ELOVL7: variants seen among roughly 807,000 people sequenced by gnomAD.
ELOVL7 encodes the protein ELOVL fatty acid elongase 7, also known as very long chain fatty acid elongase 7.
Under a neutral mutation model 35.7 loss-of-function variants are expected in ELOVL7, and 27 were observed. The ratio of observed to expected loss-of-function variants is 0.76; its 90% CI spans 0.56 to 1.04. The LOEUF (loss-of-function observed/expected upper bound fraction) is 1.04, where lower values mean the gene tolerates loss of function less well. Among genes scored for constraint, ELOVL7 ranks in the 50% least tolerant of loss-of-function variants. The pLI is 0.00. For missense variants in ELOVL7, 327 were observed against 340.8 expected (o/e 0.96, Z 0.32); for synonymous variants, 113 against 114.6 (o/e 0.99, Z 0.09).
At chr5:60,784,201 G>A in intron 3 of ELOVL7, 2 of 1,372,344 alleles carry the variant, frequency 1.5e-6, no homozygotes, top group Non-Finnish European at 2.0e-6. Flanking sequence ...AAGTACTAAT[G>A]AAATGAAGAA....
chr5:60,814,866 AAT>A (rs376183071), intron 1 of ELOVL7, among the ~76,000 whole-genome samples: 68 of 152,358 alleles, frequency 4.5e-4, no homozygotes, highest in African/African-American at 1.5e-3. Context: ...TGCTGGGCTT[AAT>A]TGTGAATGGT....
At chr5:60,842,012 C>A (rs899515932) in intron 1 of ELOVL7, among the ~76,000 whole-genome samples, 1 of 152,104 alleles carries the variant, frequency 6.6e-6, no homozygotes, top group Non-Finnish European at 1.5e-5. Flanking sequence ...TGTGTGCTAC[C>A]AAAATTTATA....
chr5:60,802,101 TATATATATATATATATAC>T (rs1342977285), intron 1 of ELOVL7, among the ~76,000 whole-genome samples: 2,886 of 17,738 alleles, frequency 0.16, 307 homozygotes, highest in South Asian at 0.22. Context: ...TATATATATA[TATATATATATATATATAC>T]ACACACACAC....
chr5:60,753,217 A>G lies in ELOVL7; in HGVS notation c.*1407T>C, dbSNP rs1039356217. 1 of 151,936 alleles carries G rather than the reference A, an allele frequency of 6.6e-6. No individual in the cohort carries two copies. Among genetic ancestry groups the G allele is most frequent in the Non-Finnish European group, 1.5e-5 (1 of 67,968 alleles). The allele number at this position is 151,936 out of a possible 1,614,324, so 9.4% of individuals were successfully genotyped here. On this transcript the variant is annotated 3_prime_UTR_variant, in exon 9 of 9. Coordinates refer to ENST00000508821, the MANE Select transcript of ELOVL7 (RefSeq NM_024930.3). The stretch of plus-strand genomic sequence containing the variant: ...AAAATTGAGTATAAATAAAAGAAGA[A>G]AAAAAATAGGGAAAAATTCACAAAT...
intron 1 of ELOVL7, among the ~76,000 whole-genome samples, chr5:60,834,730 C>A (rs370772924): frequency 6.6e-6 from 1 of 152,054 alleles, no homozygotes; most frequent in African/African-American, 2.4e-5. Flanking sequence ...TACACTATAG[C>A]GTAAACTATT....
intron 1 of ELOVL7, among the ~76,000 whole-genome samples, chr5:60,825,702 G>T (rs895696764): frequency 3.9e-5 from 6 of 152,354 alleles, no homozygotes; most frequent in East Asian, 3.9e-4. Context: ...TTTGGAAAAT[G>T]ATGAGACTGG....
At chr5:60,764,540 C>T (rs533769992) in intron 6 of ELOVL7, among the ~76,000 whole-genome samples, 1 of 152,070 alleles carries the variant, frequency 6.6e-6, no homozygotes, top group Non-Finnish European at 1.5e-5. Flanking sequence ...GACGCCTATA[C>T]ATGGAAACAC....
Position 60,754,206 on chromosome 5 carries a change from C to G in ELOVL7, c.*418G>C, listed in dbSNP as rs1333859106. 1 of 171,288 alleles carries G rather than the reference C, an allele frequency of 5.8e-6. No individual in the cohort carries two copies. The highest frequency in any genetic ancestry group is 1.3e-5 in the Non-Finnish European group (1 of 79,122). 10.6% of individuals were successfully genotyped at this position (171,288 alleles called of 1,614,324 possible). A position where few individuals can be genotyped will look rare whatever the true frequency, so the allele number is the denominator to read the frequency against. On this transcript the variant is annotated 3_prime_UTR_variant, in exon 9 of 9. Transcript: ENST00000508821. Reference sequence around the variant, plus strand: ...CAAAGCCAGGGCCTACAGGTGGTTTCCAGACTTTCCAGACCCAGCAGAAGG... The same window carrying G: ...CAAAGCCAGGGCCTACAGGTGGTTTGCAGACTTTCCAGACCCAGCAGAAGG...
intron 2 of ELOVL7, among the ~76,000 whole-genome samples, chr5:60,791,963 C>T (rs1254922183): frequency 6.6e-6 from 1 of 152,050 alleles, no homozygotes; most frequent in Non-Finnish European, 1.5e-5. Flanking sequence ...CTCCCCAGTC[C>T]TCACCGAAGC....
At chr5:60,771,789 C>T (rs1742605278) in intron 4 of ELOVL7, 114 bp downstream of exon 4, 1 of 745,466 alleles carries the variant, frequency 1.3e-6, no homozygotes. Context: ...CTAGTGAGAT[C>T]AGTTTCTTAA....
At chr5:60,780,595 A>C (rs1163607933) in intron 3 of ELOVL7, among the ~76,000 whole-genome samples, 1 of 152,196 alleles carries the variant, frequency 6.6e-6, no homozygotes, top group Non-Finnish European at 1.5e-5. Flanking sequence ...GAAATACCCA[A>C]GATTGGGTAA....
chr5:60,832,852 T>C (rs542965245), intron 1 of ELOVL7, among the ~76,000 whole-genome samples: 1 of 152,330 alleles, frequency 6.6e-6, no homozygotes, highest in East Asian at 1.9e-4. Flanking sequence ...ATAAAGTCCA[T>C]GGCTTGGGCT....
chr5:60,771,357 T>C (rs567522476), intron 4 of ELOVL7, among the ~76,000 whole-genome samples: 1 of 152,232 alleles, frequency 6.6e-6, no homozygotes, highest in South Asian at 2.1e-4. Flanking sequence ...AATGAGTTAA[T>C]GGGAAAAAAA....
At chr5:60,838,786 G>A (rs1420765988) in intron 1 of ELOVL7, among the ~76,000 whole-genome samples, 1 of 152,186 alleles carries the variant, frequency 6.6e-6, no homozygotes, top group African/African-American at 2.4e-5. Context: ...CACTTTGGGA[G>A]GCTGAGGAGG....
At chr5:60,814,983 A>G (rs1391586273) in intron 1 of ELOVL7, among the ~76,000 whole-genome samples, 1 of 152,214 alleles carries the variant, frequency 6.6e-6, no homozygotes. Flanking sequence ...ATTGCAGCTA[A>G]TTGCCAGGAA....
At chr5:60,761,374 T>G (rs573193164) in intron 7 of ELOVL7, among the ~76,000 whole-genome samples, 1 of 152,234 alleles carries the variant, frequency 6.6e-6, no homozygotes, top group Admixed American at 6.5e-5. Flanking sequence ...AATAGGAAAT[T>G]AAATACTAGA....
chr5:60,795,054 C>T (rs957128781), intron 2 of ELOVL7, among the ~76,000 whole-genome samples: 5 of 152,114 alleles, frequency 3.3e-5, no homozygotes, highest in Non-Finnish European at 7.4e-5. Context: ...TAATAAAGAA[C>T]GGATCAGAAC....
At chr5:60,811,171 T>A (rs947238026) in intron 1 of ELOVL7, among the ~76,000 whole-genome samples, 2 of 152,088 alleles carry the variant, frequency 1.3e-5, no homozygotes, top group African/African-American at 4.8e-5. Context: ...AGTTGTACTT[T>A]TTTTAAAAAA....
chr5:60,842,519 GGGGGA>G, intron 1 of ELOVL7, among the ~76,000 whole-genome samples: 1 of 149,336 alleles, frequency 6.7e-6, no homozygotes, highest in East Asian at 2.1e-4. Context: ...AGCGGGGGCA[GGGGGA>G]GGGTGTGGGG....
Sources: allele counts gnomAD v4.1 joint callset (sites outside exome capture counted in the v4.1 genomes callset), GRCh38; gene constraint gnomAD v4.1.1; transcripts MANE v1.5; gene names NCBI Gene and HGNC (gene_info 2026-07-23, HGNC 2026-07-21).